SPECC1: variants seen among roughly 807,000 people sequenced by gnomAD.
The protein encoded by SPECC1 is cytospin-B.
Under a neutral mutation model 104.1 loss-of-function variants are expected in SPECC1, and 62 were observed. That is an observed-to-expected ratio of 0.60 (90% CI 0.49 to 0.74). The LOEUF (loss-of-function observed/expected upper bound fraction) is 0.74, where lower values mean the gene tolerates loss of function less well. Among genes scored for constraint, SPECC1 ranks in the 30% least tolerant of loss-of-function variants. The probability of loss-of-function intolerance (pLI) is 0.00; values close to 1 mark genes in which losing one functional copy is unlikely to be tolerated. For synonymous variants in SPECC1, 513 were observed against 501.6 expected, an observed-to-expected ratio of 1.02 and a Z score of -0.30; for missense variants, 1,306 against 1,310.5, an observed-to-expected ratio of 1.00 and a Z score of 0.05.
chr17:20,091,802 A>G (rs563088660), intron 1 of SPECC1, among the ~76,000 whole-genome samples: 5 of 152,122 alleles, frequency 3.3e-5, no homozygotes, highest in Non-Finnish European at 7.4e-5. Context: ...CCGAGCCCTG[A>G]GTGCCCTCTC....
chr17:20,093,713 T>TG (rs1349123975), intron 1 of SPECC1, among the ~76,000 whole-genome samples: 6 of 103,512 alleles, frequency 5.8e-5, no homozygotes, highest in African/African-American at 2.2e-4. Flanking sequence ...TTTTTGTTTT[T>TG]GTTTTTGTTT....
chr17:20,194,726 G>C (rs753771772), intron 3 of SPECC1, among the ~76,000 whole-genome samples: 2 of 151,516 alleles, frequency 1.3e-5, no homozygotes. Flanking sequence ...GGATGGTCTC[G>C]ATCTCCTGAC....
chr17:20,046,971 C>G (rs2045564099), intron 1 of SPECC1, among the ~76,000 whole-genome samples: 1 of 152,042 alleles, frequency 6.6e-6, no homozygotes, highest in Non-Finnish European at 1.5e-5. Flanking sequence ...CTCCAGGGGA[C>G]AAGACTGGGA....
intron 1 of SPECC1, among the ~76,000 whole-genome samples, chr17:20,014,716 C>G (rs2044056162): frequency 6.6e-6 from 1 of 151,822 alleles, no homozygotes; most frequent in Admixed American, 6.6e-5. Flanking sequence ...AATTTTTTTT[C>G]TTTCTCCTTG....
chr17:20,116,262 G>C (rs2048750694), intron 3 of SPECC1, among the ~76,000 whole-genome samples: 1 of 151,806 alleles, frequency 6.6e-6, no homozygotes, highest in African/African-American at 2.4e-5. Context: ...CTAATTTTTT[G>C]TATTTTTAGT....
At chr17:20,227,271 T>G in intron 4 of SPECC1, 142 bp from the exon 5 acceptor site, 1 of 728,092 alleles carries the variant, frequency 1.4e-6, no homozygotes, top group Non-Finnish European at 2.3e-6. Context: ...TTCGTAATGT[T>G]TTATTTTAGA....
chr17:20,034,589 A>G (rs1204788134), intron 1 of SPECC1, among the ~76,000 whole-genome samples: 3 of 148,178 alleles, frequency 2.0e-5, no homozygotes, highest in Non-Finnish European at 4.5e-5. Context: ...TACATCCCAA[A>G]GATTTTCTAT....
intron 2 of SPECC1, among the ~76,000 whole-genome samples, chr17:20,097,425 A>C (rs567002434): frequency 6.6e-6 from 1 of 152,370 alleles, no homozygotes; most frequent in East Asian, 1.9e-4. Flanking sequence ...AGAAAAGTCA[A>C]TATGATCTTC....
intron 2 of SPECC1, among the ~76,000 whole-genome samples, chr17:20,101,040 C>T (rs780472954): frequency 2.0e-5 from 3 of 152,158 alleles, no homozygotes; most frequent in East Asian, 1.9e-4. Flanking sequence ...GTATATGTGA[C>T]GCATTTTCTT....
Position 20,205,209 on chromosome 17 carries a change from C to T in SPECC1, c.1160C>T (p.Thr387Ile), listed in dbSNP as rs773696378. Residue 387 changes from threonine (T) to isoleucine (I), a missense_variant, in exon 4 of 15, where the codon ACT (threonine) becomes ATT (isoleucine). Around this residue, in one of 2 missense-constraint regions of SPECC1, gnomAD observed 1,177 missense variants for 1,139.9 expected, o/e 1.03. Transcript: ENST00000395527. ...IQKMEENHHS[T>I]AEELQATLQE... The stretch of plus-strand genomic sequence containing the variant: ...AAGATGGAAGAAAACCACCATAGCA[C>T]TGCAGAAGAACTACAGGCTACTCTA... 1.2e-6 allele frequency: 2 copies of T among 1,614,134 alleles called. No homozygotes were observed. Among genetic ancestry groups the T allele is most frequent in the Admixed American group, 1.7e-5 (1 of 60,008 alleles).
intron 4 of SPECC1, among the ~76,000 whole-genome samples, chr17:20,224,672 A>G (rs1202497060): frequency 6.6e-6 from 1 of 152,116 alleles, no homozygotes; most frequent in Non-Finnish European, 1.5e-5. Flanking sequence ...TCAGGGCCCA[A>G]GTTCTCTTTA....
At chr17:20,289,795 C>G (rs924616176) in intron 12 of SPECC1, among the ~76,000 whole-genome samples, 31 of 152,096 alleles carry the variant, frequency 2.0e-4, no homozygotes, top group African/African-American at 7.2e-4. Flanking sequence ...TTGTTCCACT[C>G]TGAGATGAAA....
At chr17:20,239,312 C>T in intron 7 of SPECC1, 1 of 1,009,274 alleles carries the variant, frequency 9.9e-7, no homozygotes, top group African/African-American at 1.7e-5. Flanking sequence ...TTTCTTCTCC[C>T]TCAGTACCAC....
intron 1 of SPECC1, among the ~76,000 whole-genome samples, chr17:20,059,175 A>G (rs1183221199): frequency 6.6e-6 from 1 of 151,964 alleles, no homozygotes; most frequent in Non-Finnish European, 1.5e-5. Flanking sequence ...TTACATTGTA[A>G]TATAGAATGA....
At chr17:20,259,354 G>A (rs2039945202) in intron 11 of SPECC1, among the ~76,000 whole-genome samples, 1 of 152,140 alleles carries the variant, frequency 6.6e-6, no homozygotes, top group South Asian at 2.1e-4. Context: ...AAGGCTATAT[G>A]TATATGAATA....
intron 12 of SPECC1, among the ~76,000 whole-genome samples, chr17:20,286,791 G>T (rs1159690556): frequency 1.3e-5 from 2 of 152,204 alleles, no homozygotes; most frequent in Admixed American, 6.5e-5. Context: ...ACCTTGCCTA[G>T]CTCCTGGCTG....
chr17:20,154,414 G>A (rs2032277245), intron 3 of SPECC1, among the ~76,000 whole-genome samples: 1 of 150,580 alleles, frequency 6.6e-6, no homozygotes, highest in African/African-American at 2.4e-5. Flanking sequence ...TAGGTGTCGG[G>A]AGGAAGAATG....
rs530997883 is a variant in SPECC1, at chr17:20,305,717, C to A, written c.3058-306C>A. Reference sequence around the variant, plus strand: ...TTTTTGATATAGCATCATGATTAAGCAACTTTGTTATGCAACAGAATGTTT... The same window carrying A: ...TTTTTGATATAGCATCATGATTAAGAAACTTTGTTATGCAACAGAATGTTT... On this transcript the variant is annotated intron_variant, in intron 13 of 14. Transcript: ENST00000395527. The A allele has an allele frequency of 1.7e-3, 479 of 278,598 alleles. 2 individuals are homozygous for A. Among genetic ancestry groups the A allele is most frequent in the Non-Finnish European group, 2.9e-3 (433 of 147,686 alleles). 17.3% of individuals were successfully genotyped at this position (278,598 alleles called of 1,614,324 possible). A position where few individuals can be genotyped will look rare whatever the true frequency, so the allele number is the denominator to read the frequency against.
At chr17:20,019,104 C>A (rs549452161) in intron 1 of SPECC1, among the ~76,000 whole-genome samples, 1 of 152,254 alleles carries the variant, frequency 6.6e-6, no homozygotes, top group Admixed American at 6.5e-5. Flanking sequence ...GGGCCAAGCA[C>A]AATGGCTCAT....
Sources: allele counts gnomAD v4.1 joint callset (sites outside exome capture counted in the v4.1 genomes callset), GRCh38; gene constraint gnomAD v4.1.1; regional missense constraint gnomAD v4.1.1; transcripts MANE v1.5; gene names NCBI Gene and HGNC (gene_info 2026-07-23, HGNC 2026-07-21).